Variants in PEAK1 observed in about 807,000 individuals in gnomAD.
The protein encoded by PEAK1 is pseudopodium enriched atypical kinase 1.
In PEAK1, 54 loss-of-function variants were observed where a neutral mutation model predicts 124.7. The observed-to-expected ratio is 0.43, with a 90% confidence interval of 0.35 to 0.54. The LOEUF is 0.54. Ranked by LOEUF, PEAK1 falls within the 20% of genes least tolerant of loss-of-function variation. The pLI is 0.01. For missense variants in PEAK1, 2,046 were observed against 2,134.5 expected, an observed-to-expected ratio of 0.96 and a Z score of 0.82; for synonymous variants, 719 against 760.0, an observed-to-expected ratio of 0.95 and a Z score of 0.89.
chr15:77,403,910 C>T lies in PEAK1; in HGVS notation c.-666+16096G>A, dbSNP rs970734536. On this transcript the variant is annotated intron_variant, in intron 1 of 9. Transcript: ENST00000682557. ...GAAACAGAATGACTTTTTTTAATTT[C>T]CAACTTTTAGGTTCAGGGGATACAT... is the stretch of plus-strand genomic sequence containing the variant. 3.1e-6 allele frequency: 3 copies of T among 982,862 alleles called. No homozygotes were observed. The African/African-American group carries it at 5.2e-5, about 17-fold the overall frequency. 60.9% of individuals were successfully genotyped at this position (982,862 alleles called of 1,614,324 possible).
chr15:77,345,902 A>G, intron 2 of PEAK1: 1 of 984,018 alleles, frequency 1.0e-6, no homozygotes, highest in Non-Finnish European at 1.2e-6. Context: ...AAAAAAATCA[A>G]ACTCATTTAA....
chr15:77,320,230 T>A (rs1166296395), intron 2 of PEAK1, among the ~76,000 whole-genome samples: 1 of 152,166 alleles, frequency 6.6e-6, no homozygotes, highest in Non-Finnish European at 1.5e-5. Context: ...GTGTCACTCC[T>A]ACCAACAGAA....
intron 1 of PEAK1, among the ~76,000 whole-genome samples, chr15:77,408,100 T>C (rs554722903): frequency 4.7e-5 from 7 of 148,546 alleles, no homozygotes; most frequent in Admixed American, 2.0e-4. Flanking sequence ...TACACACACA[T>C]ATATACATAT....
At chr15:77,403,511 G>C (rs1206761889) in intron 1 of PEAK1, 1 of 962,688 alleles carries the variant, frequency 1.0e-6, no homozygotes, top group Non-Finnish European at 1.2e-6. Context: ...TACAAATCAA[G>C]CACAGTAATA....
rs2050933768 is a variant in PEAK1 at position 77,110,750 on chromosome 15, G to A, written c.*3406C>T. The A allele has an allele frequency of 6.6e-6, 1 of 152,158 alleles. No individual in the cohort carries two copies. Among genetic ancestry groups the A allele is most frequent in the Admixed American group, 6.5e-5 (1 of 15,272 alleles). The allele number at this position is 152,158 out of a possible 1,614,324, so 9.4% of individuals were successfully genotyped here. On this transcript the variant is annotated 3_prime_UTR_variant, in exon 10 of 10. Transcript: ENST00000682557. Reference sequence around the variant, plus strand: ...GCTTCCAGTTCTAGCTCAGCCTAGGGGTTGGTGATTCTTACGTTGTTGTTC... The same window carrying A: ...GCTTCCAGTTCTAGCTCAGCCTAGGAGTTGGTGATTCTTACGTTGTTGTTC...
In PEAK1 at chr15:77,255,346, C is replaced by T. The variant is rs904296267; in HGVS notation, c.-274-2820G>A. The T allele has an allele frequency of 3.2e-5, 31 of 975,388 alleles. No individual in the cohort carries two copies. The African/African-American group carries it at 5.1e-4, about 16-fold the overall frequency. 60.4% of individuals were successfully genotyped at this position (975,388 alleles called of 1,614,324 possible). A position where few individuals can be genotyped will look rare whatever the true frequency, so the allele number is the denominator to read the frequency against. On this transcript the variant is annotated intron_variant, in intron 5 of 9. Transcript: ENST00000682557. ...AATGGAAATTCTGTTTGGGTTCTGA[C>T]TCTCCATTTATTCCAAGCTTCTGCC...
chr15:77,347,449 T>C (rs1416482748), intron 2 of PEAK1: 6 of 985,378 alleles, frequency 6.1e-6, no homozygotes, highest in Non-Finnish European at 7.2e-6. Context: ...AATATTGTTC[T>C]AGATAAGATC....
In PEAK1 at chr15:77,108,340, C is replaced by A. The variant is rs915264939; in HGVS notation, c.*5816G>T. Reference sequence around the variant, plus strand: ...GGTGAAGCTCCGGAAAGAGCAAAAACAAGATTTTCAAATACAGAGTGTGGG... The same window carrying A: ...GGTGAAGCTCCGGAAAGAGCAAAAAAAAGATTTTCAAATACAGAGTGTGGG... On this transcript the variant is annotated 3_prime_UTR_variant, in exon 10 of 10. Transcript: ENST00000682557. 6.6e-6 allele frequency: 1 copy of A among 152,128 alleles called. No homozygotes were observed. The highest frequency in any genetic ancestry group is 1.5e-5 in the Non-Finnish European group (1 of 68,012). 9.4% of individuals were successfully genotyped at this position (152,128 alleles called of 1,614,324 possible).
At chr15:77,120,965 AG>A (rs1282204608) in intron 9 of PEAK1, among the ~76,000 whole-genome samples, 1 of 152,210 alleles carries the variant, frequency 6.6e-6, no homozygotes, top group Non-Finnish European at 1.5e-5. Context: ...TATCAGAGAG[AG>A]GAAGTGCTAA....
At chr15:77,268,105 A>T (rs79865491) in intron 5 of PEAK1, among the ~76,000 whole-genome samples, 2,255 of 152,320 alleles carry the variant, frequency 0.015, 54 homozygotes, top group African/African-American at 0.051. Context: ...CAAGTAGAAG[A>T]AAGAATATCA....
intron 8 of PEAK1, among the ~76,000 whole-genome samples, chr15:77,137,732 T>C (rs960775281): frequency 2.0e-5 from 3 of 152,230 alleles, no homozygotes; most frequent in South Asian, 2.1e-4. Flanking sequence ...CTTTGGACTA[T>C]GGACTTTTGA....
intron 6 of PEAK1, among the ~76,000 whole-genome samples, chr15:77,216,047 T>C (rs1320792165): frequency 1.3e-5 from 2 of 152,226 alleles, no homozygotes; most frequent in African/African-American, 4.8e-5. Context: ...TCTTCCCATA[T>C]AAATCTAAAA....
At chr15:77,324,616 G>A (rs2065452397) in intron 2 of PEAK1, among the ~76,000 whole-genome samples, 1 of 152,146 alleles carries the variant, frequency 6.6e-6, no homozygotes, top group South Asian at 2.1e-4. Flanking sequence ...TATACAGGAA[G>A]CACAGCAGCA....
exon 7 of PEAK1, chr15:77,103,054 A>G (rs188659329): frequency 8.5e-5 from 13 of 152,332 alleles, no homozygotes; most frequent in African/African-American, 3.1e-4. Flanking sequence ...TGGAAATAAT[A>G]ATAATAAAAT....
intron 1 of PEAK1, among the ~76,000 whole-genome samples, chr15:77,406,489 G>T (rs2142060068): frequency 6.6e-6 from 1 of 152,218 alleles, no homozygotes; most frequent in African/African-American, 2.4e-5. Context: ...ACCAACAGCG[G>T]CCAAGCTGAG....
At chr15:77,273,659 TTTCATG>T (rs1230338435) in intron 5 of PEAK1, among the ~76,000 whole-genome samples, 2 of 152,130 alleles carry the variant, frequency 1.3e-5, no homozygotes, top group Non-Finnish European at 2.9e-5. Flanking sequence ...CACATCCCAT[TTTCATG>T]GATGGGTAGA....
At chr15:77,349,713 C>A in intron 2 of PEAK1, 1 of 985,182 alleles carries the variant, frequency 1.0e-6, no homozygotes. Context: ...TTCAAGCTAA[C>A]CCTTCTATAA....
At chr15:77,148,028 T>C (rs1229198438) in intron 8 of PEAK1, among the ~76,000 whole-genome samples, 1 of 152,238 alleles carries the variant, frequency 6.6e-6, no homozygotes, top group Non-Finnish European at 1.5e-5. Flanking sequence ...GGTGACTGTA[T>C]TGAATAATAA....
rs184642812 is a variant in PEAK1, at chr15:77,198,751, G to A, written c.-114-16711C>T. ...CAACTTAAAGCAAAGGGAAAGTGAA[G>A]GAGCTAGAGAATTTAATGTCAGCAA... is the stretch of plus-strand genomic sequence containing the variant. On this transcript the variant is annotated intron_variant, in intron 6 of 9. Coordinates refer to ENST00000682557, the MANE Select transcript of PEAK1 (RefSeq NM_001385026.1). Among the ~76,000 whole-genome samples the A allele has an allele frequency of 4.7e-3, 720 of 152,304 alleles. 5 individuals are homozygous for A. The highest frequency in any genetic ancestry group is 0.011 in the Admixed American group (165 of 15,286).
Sources: allele counts gnomAD v4.1 joint callset (sites outside exome capture counted in the v4.1 genomes callset), GRCh38; gene constraint gnomAD v4.1.1; transcripts MANE v1.5; gene names NCBI Gene and HGNC (gene_info 2026-07-23, HGNC 2026-07-21).